Variants in ITGB6 observed in about 807,000 individuals in gnomAD.
ITGB6 encodes integrin subunit beta 6.
ITGB6 carries 80 observed loss-of-function variants against 84.5 expected under a neutral mutation model. That is an observed-to-expected ratio of 0.95 (90% CI 0.79 to 1.14). The LOEUF (loss-of-function observed/expected upper bound fraction) is 1.14, where lower values mean the gene tolerates loss of function less well. Among genes scored for constraint, ITGB6 ranks in the 50% most tolerant of loss-of-function variants. The pLI is 0.00. For missense variants in ITGB6, 1,006 were observed against 968.0 expected (o/e 1.04, Z -0.52); for synonymous variants, 383 against 354.9 (o/e 1.08, Z -0.89).
chr2:160,195,683 G>A (rs137902693), intron 3 of ITGB6, 68 bp from the exon 4 acceptor site: 12 of 1,554,000 alleles, frequency 7.7e-6, no homozygotes, highest in Admixed American at 3.5e-5. Flanking sequence ...CTGGCCACTC[G>A]CTGGGTCAGC....
chr2:160,109,703 G>T (rs1195546548), intron 13 of ITGB6, among the ~76,000 whole-genome samples: 1 of 152,206 alleles, frequency 6.6e-6, no homozygotes. Flanking sequence ...GAAGAAGAGG[G>T]TCACCTCTAT....
At chr2:160,157,566 A>T (rs1684670883) in intron 7 of ITGB6, among the ~76,000 whole-genome samples, 1 of 152,202 alleles carries the variant, frequency 6.6e-6, no homozygotes, top group Admixed American at 6.5e-5. Context: ...ATATATACAC[A>T]TGCCTATGTC....
intron 7 of ITGB6, among the ~76,000 whole-genome samples, chr2:160,152,384 G>C (rs555953894): frequency 6.6e-6 from 1 of 152,132 alleles, no homozygotes; most frequent in Non-Finnish European, 1.5e-5. Flanking sequence ...AAAGGCCTTT[G>C]ACAAAATTCA....
intron 14 of ITGB6, among the ~76,000 whole-genome samples, chr2:160,106,427 G>A (rs1696908996): frequency 6.6e-6 from 1 of 152,034 alleles, no homozygotes; most frequent in South Asian, 2.1e-4. Flanking sequence ...TTTTTGTAGG[G>A]ATGGGTTTTG....
chr2:160,110,881 G>A (rs1028075864), intron 13 of ITGB6, among the ~76,000 whole-genome samples: 4 of 152,148 alleles, frequency 2.6e-5, no homozygotes, highest in African/African-American at 9.7e-5. Flanking sequence ...CCAACCATGC[G>A]GACATTTGTT....
intron 8 of ITGB6, among the ~76,000 whole-genome samples, chr2:160,140,618 G>A (rs1441621567): frequency 1.3e-5 from 2 of 152,156 alleles, no homozygotes; most frequent in Admixed American, 6.5e-5. Context: ...GCATGAGAGG[G>A]AGGAAGGTTT....
chr2:160,160,976 G>A (rs187579920), intron 7 of ITGB6, among the ~76,000 whole-genome samples: 250 of 152,292 alleles, frequency 1.6e-3, no homozygotes, highest in Non-Finnish European at 2.2e-3. Context: ...AGATGTCAAA[G>A]TCTTCACCAA....
intron 7 of ITGB6, among the ~76,000 whole-genome samples, chr2:160,157,303 G>C (rs1684659511): frequency 1.3e-5 from 2 of 152,194 alleles, no homozygotes; most frequent in Admixed American, 6.5e-5. Context: ...ATTTTTTAAA[G>C]GAAGAGGGGG....
chr2:160,103,620 A>C (rs1696801418), intron 14 of ITGB6, among the ~76,000 whole-genome samples: 1 of 152,194 alleles, frequency 6.6e-6, no homozygotes, highest in Non-Finnish European at 1.5e-5. Context: ...ATGGAGTCTC[A>C]TTTGCAAACA....
rs527387241 is a variant in ITGB6 at position 160,195,228 on chromosome 2, C to T, written c.593+141G>A. 26 of 1,042,470 alleles carry T rather than the reference C, an allele frequency of 2.5e-5. No homozygotes were observed. In the African/African-American group the frequency reaches 4.0e-4, roughly 16 times the overall value. The allele number at this position is 1,042,470 out of a possible 1,614,324, so 64.6% of individuals were successfully genotyped here. A position where few individuals can be genotyped will look rare whatever the true frequency, so the allele number is the denominator to read the frequency against. ...TCACCTCCACTCTAAGCAACCTAGG[C>T]CTCTGAGAGAACTGCTGAGATCCAA... is the stretch of plus-strand genomic sequence containing the variant. On this transcript the variant is annotated intron_variant, in intron 4 of 14. Coordinates refer to ENST00000283249, the MANE Select transcript of ITGB6 (RefSeq NM_000888.5).
chr2:160,189,585 CAA>C (rs1686053733), intron 4 of ITGB6, among the ~76,000 whole-genome samples: 1 of 152,126 alleles, frequency 6.6e-6, no homozygotes, highest in Non-Finnish European at 1.5e-5. Flanking sequence ...TTTATGCAGC[CAA>C]AAGACACATG....
intron 10 of ITGB6, among the ~76,000 whole-genome samples, chr2:160,136,878 A>G (rs1054105811): frequency 6.6e-6 from 1 of 151,482 alleles, no homozygotes; most frequent in Non-Finnish European, 1.5e-5. Context: ...AGGAAGGGGA[A>G]CATCACACAC....
intron 10 of ITGB6, among the ~76,000 whole-genome samples, chr2:160,135,174 A>G (rs1231852044): frequency 6.0e-5 from 9 of 150,012 alleles, no homozygotes; most frequent in African/African-American, 2.2e-4. Context: ...TCAGCCCAAA[A>G]TCTCCTTAAG....
chr2:160,174,301 C>T (rs575062214), intron 4 of ITGB6, among the ~76,000 whole-genome samples, 162 bp from the exon 5 acceptor site: 1 of 152,328 alleles, frequency 6.6e-6, no homozygotes, highest in South Asian at 2.1e-4. Context: ...TTGTTGACAT[C>T]ATCCCCAACC....
intron 7 of ITGB6, among the ~76,000 whole-genome samples, chr2:160,154,303 A>G (rs1408568663): frequency 1.3e-5 from 2 of 152,168 alleles, no homozygotes; most frequent in Non-Finnish European, 2.9e-5. Flanking sequence ...TGAAGCTGGA[A>G]CCCATCATTC....
intron 6 of ITGB6, among the ~76,000 whole-genome samples, chr2:160,170,713 G>A (rs1295703528): frequency 5.3e-5 from 8 of 152,210 alleles, no homozygotes; most frequent in Non-Finnish European, 1.0e-4. Context: ...AGTGCTCAGA[G>A]GACCCGGGGG....
At chr2:160,132,103 T>C (rs1683491917) in intron 10 of ITGB6, among the ~76,000 whole-genome samples, 1 of 152,148 alleles carries the variant, frequency 6.6e-6, no homozygotes, top group Non-Finnish European at 1.5e-5. Context: ...AGATTCCTAT[T>C]AGACATGCAA....
chr2:160,118,229 A>C (rs140244832), intron 12 of ITGB6, among the ~76,000 whole-genome samples: 101,511 of 152,050 alleles, frequency 0.67, 34,243 homozygotes, highest in Admixed American at 0.74. Context: ...AATTTTAAAC[A>C]AATATCCTTG....
At chr2:160,137,370 G>T (rs1683781569) in intron 10 of ITGB6, 64 bp downstream of exon 10, 1 of 1,481,962 alleles carries the variant, frequency 6.7e-7, no homozygotes, top group Non-Finnish European at 9.2e-7. Context: ...AGGTGCAGAG[G>T]ATGCCAAGCC....
Sources: gnomAD v4.1 joint callset for allele counts (sites outside exome capture counted in the v4.1 genomes callset) on GRCh38, gnomAD v4.1.1 for gene constraint, MANE v1.5 for transcripts, NCBI Gene and HGNC (gene_info 2026-07-23, HGNC 2026-07-21) for gene names.